PCDHGA5: variants seen among roughly 807,000 people sequenced by gnomAD.
PCDHGA5 encodes protocadherin gamma subfamily A, 5.
A neutral mutation model predicts 56.7 loss-of-function variants in PCDHGA5; 36 were observed. That is an observed-to-expected ratio of 0.64 (90% CI 0.49 to 0.84). PCDHGA5 has a LOEUF of 0.84. PCDHGA5 is among the 40% of genes least tolerant of loss of function. PCDHGA5 has a pLI of 0.00. For missense variants in PCDHGA5, 1,305 were observed against 1,201.5 expected (o/e 1.09, Z -1.27); for synonymous variants, 563 against 520.2 (o/e 1.08, Z -1.12).
chr5:141,387,742 C>T, intron 1 of PCDHGA5: 5 of 1,340,938 alleles, frequency 3.7e-6, no homozygotes, highest in Non-Finnish European at 5.0e-6. Context: ...CTTTACACCG[C>T]TTCCTCCTCG....
Position 141,487,247 on chromosome 5 carries a change from T to C in PCDHGA5, c.2422-7560T>C. Reference sequence around the variant, plus strand: ...GGAAGGAGAATCTCGTCTAACCCTCTACTTGGCTGTGTCCCTAGTGGCAAT... The same window carrying C: ...GGAAGGAGAATCTCGTCTAACCCTCCACTTGGCTGTGTCCCTAGTGGCAAT... On this transcript the variant is annotated intron_variant, in intron 1 of 3. Transcript: ENST00000518069. This position sits in a 1 kb window ranked among gnomAD's most constrained non-coding sequence, Gnocchi z 5.0. 1 of 1,614,174 alleles carries C rather than the reference T, an allele frequency of 6.2e-7. No individual in the cohort carries two copies. The highest frequency in any genetic ancestry group is 1.3e-5 in the African/African-American group (1 of 75,048).
Position 141,476,935 on chromosome 5 carries a change from A to G in PCDHGA5, c.2422-17872A>G. The G allele has an allele frequency of 6.2e-7, 1 of 1,614,166 alleles. No homozygotes were observed. Among genetic ancestry groups the G allele is most frequent in the Non-Finnish European group, 8.5e-7 (1 of 1,180,046 alleles). Reference sequence around the variant, plus strand: ...AAGTCCTTGCAACGGATCTGGATGAAGGCCCCAACGGTGAAATTATTTACT... The same window carrying G: ...AAGTCCTTGCAACGGATCTGGATGAGGGCCCCAACGGTGAAATTATTTACT... On this transcript the variant is annotated intron_variant, in intron 1 of 3. Transcript: ENST00000518069. This position sits in a 1 kb window ranked among gnomAD's most constrained non-coding sequence, Gnocchi z 7.6.
At position 141,365,897 on chromosome 5, in the gene PCDHGA5, G is replaced by C; in HGVS notation, c.1567G>C (p.Glu523Gln). 1 of 1,614,214 alleles carries C rather than the reference G, an allele frequency of 6.2e-7. No homozygotes were observed. The highest frequency in any genetic ancestry group is 2.2e-5 in the East Asian group (1 of 44,888). ...VLYALRSFDYEQLRDLQLWVT... is the reference protein window; with the variant it reads ...VLYALRSFDYQQLRDLQLWVT... Reference sequence around the variant, plus strand: ...GTATGCTCTGAGATCCTTCGACTATGAGCAGTTGAGAGACCTACAGTTGTG... The same window carrying C: ...GTATGCTCTGAGATCCTTCGACTATCAGCAGTTGAGAGACCTACAGTTGTG... Residue 523 changes from glutamate to glutamine, a missense_variant, in exon 1 of 4, where the codon GAG becomes CAG. Glu to Gln is a conservative substitution (Grantham distance 29, BLOSUM62 2). Transcript: ENST00000518069.
At chr5:141,441,872 G>A (rs1400648028) in intron 1 of PCDHGA5, 4 of 341,526 alleles carry the variant, frequency 1.2e-5, no homozygotes, top group East Asian at 9.4e-5. Context: ...GCGGAGCCTG[G>A]CTACCTGGTC....
chr5:141,478,553 T>C, intron 1 of PCDHGA5: 1 of 1,602,704 alleles, frequency 6.2e-7, no homozygotes. Context: ...ACAGGTAAGG[T>C]TTAGCAAGTC....
At chr5:141,372,937 GGGTGTCTAGGA>G (rs538849819) in intron 1 of PCDHGA5, 1 of 831,292 alleles carries the variant, frequency 1.2e-6, no homozygotes, top group East Asian at 2.7e-5. Flanking sequence ...GTGTAGAGTA[GGGTGTCTAGGA>G]AATTCTTTGT....
chr5:141,370,269 G>A (rs1185604406), intron 1 of PCDHGA5: 1 of 783,942 alleles, frequency 1.3e-6, no homozygotes, highest in Admixed American at 3.1e-5. Flanking sequence ...TCCTGCAGCG[G>A]AGACACCCAT....
Position 141,365,491 on chromosome 5 carries a change from T to C in PCDHGA5, c.1161T>C (p.Pro387=), listed in dbSNP as rs1421150605. 3 of 1,614,014 alleles carry C rather than the reference T, an allele frequency of 1.9e-6. No individual in the cohort carries two copies. Among genetic ancestry groups the C allele is most frequent in the Non-Finnish European group, 2.5e-6 (3 of 1,179,896 alleles). The change falls in exon 1 of 4, where the codon CCT becomes CCC. Residue 387 remains proline, a synonymous_variant. Transcript: ENST00000518069. ...ATGGTGAGATTGCATGCTCTATTCCTAGGAATTTGCCTTTTAAATTGGAGA... is the reference window on the plus strand; with the variant it reads ...ATGGTGAGATTGCATGCTCTATTCCCAGGAATTTGCCTTTTAAATTGGAGA... ...GENGEIACSI[P]RNLPFKLEKS...
chr5:141,419,258 C>A, intron 1 of PCDHGA5: 3 of 1,614,028 alleles, frequency 1.9e-6, no homozygotes, highest in Non-Finnish European at 2.5e-6. Flanking sequence ...AAACAACCAG[C>A]CGGGTGCCTC....
Position 141,462,070 on chromosome 5 carries a change from G to A in PCDHGA5, c.2422-32737G>A, listed in dbSNP as rs572217894. Among the ~76,000 whole-genome samples the A allele has an allele frequency of 2.6e-5, 4 of 152,196 alleles. No homozygotes were observed. In the East Asian group the frequency reaches 7.7e-4, roughly 29 times the overall value. Reference sequence around the variant, plus strand: ...ACTCCCGACCTCAGGTGATCTGCCCGCCTTGGCCTCCCAAAATGCTGGGAT... The same window carrying A: ...ACTCCCGACCTCAGGTGATCTGCCCACCTTGGCCTCCCAAAATGCTGGGAT... On this transcript the variant is annotated intron_variant, in intron 1 of 3. Transcript: ENST00000518069.
intron 1 of PCDHGA5, chr5:141,428,210 A>T: frequency 7.7e-7 from 1 of 1,293,350 alleles, no homozygotes; most frequent in Non-Finnish European, 1.1e-6. Flanking sequence ...GCTACGCTTC[A>T]CCTAGTCTTC....
At chr5:141,399,279 C>T (rs370090713) in intron 1 of PCDHGA5, 76 of 1,613,576 alleles carry the variant, frequency 4.7e-5, no homozygotes, top group Non-Finnish European at 5.0e-5. Flanking sequence ...AATTACAAGG[C>T]GAAGTCCCTT....
At chr5:141,397,495 A>T (rs1346259397) in intron 1 of PCDHGA5, among the ~76,000 whole-genome samples, 2 of 152,226 alleles carry the variant, frequency 1.3e-5, no homozygotes, top group Non-Finnish European at 2.9e-5. Flanking sequence ...GAACAGAAGA[A>T]TGATAAAATT....
chr5:141,381,826 CTTTTTTTTTTT>C (rs770630741), intron 1 of PCDHGA5, among the ~76,000 whole-genome samples: 18 of 74,294 alleles, frequency 2.4e-4, no homozygotes, highest in African/African-American at 9.9e-4. Flanking sequence ...CTTTCTTCTT[CTTTTTTTTTTT>C]TTTTTTTTTT....
chr5:141,508,935 A>T (rs180987868), intron 3 of PCDHGA5, among the ~76,000 whole-genome samples: 2 of 152,118 alleles, frequency 1.3e-5, no homozygotes, highest in Non-Finnish European at 2.9e-5. Context: ...GGAGTTAATT[A>T]GGGAAAACAG....
intron 1 of PCDHGA5, chr5:141,375,181 C>A (rs868598149): frequency 4.3e-6 from 7 of 1,613,836 alleles, no homozygotes; most frequent in Non-Finnish European, 5.9e-6. Flanking sequence ...GAACAGTAAT[C>A]GCCCTTTTTC....
intron 1 of PCDHGA5, among the ~76,000 whole-genome samples, chr5:141,401,533 CA>C: frequency 6.6e-6 from 1 of 151,790 alleles, no homozygotes; most frequent in East Asian, 1.9e-4. Flanking sequence ...AAGAAACTTA[CA>C]AAAAAAAGGA....
intron 1 of PCDHGA5, among the ~76,000 whole-genome samples, chr5:141,459,334 A>G (rs987526492): frequency 5.9e-5 from 9 of 152,116 alleles, no homozygotes; most frequent in Admixed American, 1.3e-4. Flanking sequence ...TTTTACTCCA[A>G]AGTTCTTGAA....
chr5:141,418,282 A>T (rs1209026046), intron 1 of PCDHGA5: 2 of 1,614,030 alleles, frequency 1.2e-6, no homozygotes, highest in Non-Finnish European at 1.7e-6. Flanking sequence ...TAAACTTAGA[A>T]ATCAGTGAAT....
Sources: gnomAD v4.1 joint callset for allele counts (sites outside exome capture counted in the v4.1 genomes callset) on GRCh38, gnomAD v4.1.1 for gene constraint, Gnocchi (gnomAD v3.1) non-coding constraint, MANE v1.5 for transcripts, NCBI Gene and HGNC (gene_info 2026-07-23, HGNC 2026-07-21) for gene names.